BIRC2: variants seen among roughly 807,000 people sequenced by gnomAD.
The protein encoded by BIRC2 is baculoviral IAP repeat-containing protein 2.
Under a neutral mutation model 60.9 loss-of-function variants are expected in BIRC2, and 18 were observed. The ratio of observed to expected loss-of-function variants is 0.30; its 90% confidence interval spans 0.20 to 0.44. BIRC2 has a LOEUF of 0.44. Among genes scored for constraint, BIRC2 ranks in the 20% least tolerant of loss-of-function variants. The pLI is 1.00. For synonymous variants in BIRC2, 282 were observed against 247.7 expected, an observed-to-expected ratio of 1.14 and a Z score of -1.30; for missense variants, 701 against 728.5, an observed-to-expected ratio of 0.96 and a Z score of 0.43.
intron 6 of BIRC2, among the ~76,000 whole-genome samples, chr11:102,376,527 A>C (rs1349788772): frequency 1.3e-5 from 2 of 152,334 alleles, no homozygotes; most frequent in East Asian, 3.9e-4. Flanking sequence ...CTTTGTAGAG[A>C]TGTACTTTTT....
chr11:102,360,541 T>TA (rs2135811594), intron 3 of BIRC2, among the ~76,000 whole-genome samples: 1 of 152,180 alleles, frequency 6.6e-6, no homozygotes, highest in East Asian at 1.9e-4. Context: ...TATATTTTTT[T>TA]ATTTCATTAT....
At chr11:102,369,879 T>G (rs1254295201) in intron 6 of BIRC2, among the ~76,000 whole-genome samples, 11 of 147,408 alleles carry the variant, frequency 7.5e-5, no homozygotes, top group Non-Finnish European at 1.4e-4. Context: ...AGATGGTATC[T>G]CATTGTGGTT....
At position 102,350,037 on chromosome 11, in the gene BIRC2, T is replaced by C. The variant is rs753218434; in HGVS notation, c.183T>C (p.Pro61=). The change falls in exon 2 of 9, where the codon CCT becomes CCC. Residue 61 remains proline, a synonymous_variant. Coordinates refer to ENST00000227758, the MANE Select transcript of BIRC2 (RefSeq NM_001166.5). ...ATTCAACTTTCCCCGCCGGGGTGCC[T>C]GTCTCAGAAAGGAGTCTTGCTCGTG... ...STYSTFPAGV[P]VSERSLARAG... is the part of the protein sequence containing the mutation. 1.2e-6 allele frequency: 2 copies of C among 1,614,230 alleles called. No individual in the cohort carries two copies. Among genetic ancestry groups the C allele is most frequent in the Admixed American group, 1.7e-5 (1 of 60,022 alleles).
chr11:102,365,743 AGTGTGT>A lies in BIRC2; in HGVS notation c.1123+2050_1123+2055del, dbSNP rs34130638. Among the ~76,000 whole-genome samples, 277 of 147,666 alleles carry A rather than the reference AGTGTGT, an allele frequency of 1.9e-3. 1 individual carries two copies. The highest frequency in any genetic ancestry group is 6.2e-3 in the African/African-American group (249 of 40,106). On this transcript the variant is annotated intron_variant, in intron 5 of 8. Transcript: ENST00000227758. ...AGGCATGCACCATCACATTCAGCTA[AGTGTGT>A]GTGTGTGTGTGTGTGTGTGTGTTTG...
Position 102,349,815 on chromosome 11 carries a change from T to C in BIRC2, c.-40T>C. ...TCTTAGTTCATGTGAAGAAATTTCA[T>C]GTGAATGTTTTAGCTATCAAACAGT... On this transcript the variant is annotated 5_prime_UTR_variant, in exon 2 of 9. It removes an upstream start codon present in the reference 5' UTR. Coordinates refer to ENST00000227758, the MANE Select transcript of BIRC2 (RefSeq NM_001166.5). 1 of 1,520,018 alleles carries C rather than the reference T, an allele frequency of 6.6e-7. No individual in the cohort carries two copies. The highest frequency in any genetic ancestry group is 2.3e-5 in the East Asian group (1 of 44,138). 94.2% of individuals were successfully genotyped at this position (1,520,018 alleles called of 1,614,324 possible).
At chr11:102,374,823 C>CGTGGGCGTAGGACCCTCCGAGCCAGGT (rs1951687723) in intron 6 of BIRC2, among the ~76,000 whole-genome samples, 2 of 152,188 alleles carry the variant, frequency 1.3e-5, no homozygotes, top group African/African-American at 4.8e-5. Context: ...AGCGAGACTC[C>CGTGGGCGTAGGACCCTCCGAGCCAGGT]GTGGGCGTAG....
intron 6 of BIRC2, among the ~76,000 whole-genome samples, chr11:102,375,812 A>C (rs1951706219): frequency 6.6e-6 from 1 of 151,800 alleles, no homozygotes; most frequent in Admixed American, 6.6e-5. Flanking sequence ...CAGTTCTATC[A>C]GTTACTAGCT....
chr11:102,366,526 C>A (rs1281881542), intron 5 of BIRC2, among the ~76,000 whole-genome samples: 1 of 152,054 alleles, frequency 6.6e-6, no homozygotes, highest in Non-Finnish European at 1.5e-5. Context: ...ACCACCACGC[C>A]CGGCTAATTT....
intron 3 of BIRC2, among the ~76,000 whole-genome samples, chr11:102,354,786 T>C (rs1951402230): frequency 6.6e-6 from 1 of 152,192 alleles, no homozygotes; most frequent in South Asian, 2.1e-4. Flanking sequence ...TAAGGCATCA[T>C]TACAGGTGGG....
At chr11:102,347,615 C>G (rs1951307585) in intron 1 of BIRC2, 1 of 152,190 alleles carries the variant, frequency 6.6e-6, no homozygotes, top group African/African-American at 2.4e-5. Context: ...GACTTGTTTT[C>G]AAGCCTCTGG....
intron 6 of BIRC2, among the ~76,000 whole-genome samples, chr11:102,374,388 A>G (rs1361402887): frequency 6.8e-6 from 1 of 148,062 alleles, no homozygotes; most frequent in South Asian, 2.2e-4. Context: ...CTTCTAACAG[A>G]CAGGACCCTC....
intron 5 of BIRC2, among the ~76,000 whole-genome samples, chr11:102,364,135 AATATTATATATATATATATATATAT>A (rs1187956174): frequency 9.6e-6 from 1 of 104,062 alleles, no homozygotes; most frequent in Non-Finnish European, 1.9e-5. Flanking sequence ...TCAGCTAATA[AATATTATATATATATATATATATAT>A]ATATATATAT....
In BIRC2 at chr11:102,351,083, A is replaced by G. The variant is rs1234765753; in HGVS notation, c.995+140A>G. 1.8e-5 allele frequency: 14 copies of G among 782,480 alleles called. No homozygotes were observed. In the East Asian group the frequency reaches 3.4e-4, roughly 19 times the overall value. 48.5% of individuals were successfully genotyped at this position (782,480 alleles called of 1,614,324 possible). A position where few individuals can be genotyped will look rare whatever the true frequency, so the allele number is the denominator to read the frequency against. The stretch of plus-strand genomic sequence containing the variant: ...GGGAATTATCCTTCTAAAAGATCAC[A>G]TTTTAACTTTAATTATTTTGTTGAA... On this transcript the variant is annotated intron_variant, in intron 3 of 8. Coordinates refer to ENST00000227758, the MANE Select transcript of BIRC2 (RefSeq NM_001166.5).
chr11:102,351,497 C>A (rs1300254215), intron 3 of BIRC2, among the ~76,000 whole-genome samples: 1 of 151,770 alleles, frequency 6.6e-6, no homozygotes, highest in Non-Finnish European at 1.5e-5. Flanking sequence ...TGGCCGTAGT[C>A]CCAGCTTCTC....
Position 102,350,041 on chromosome 11 carries a change from T to G in BIRC2, c.187T>G (p.Ser63Ala). 1 of 1,614,226 alleles carries G rather than the reference T, an allele frequency of 6.2e-7. No homozygotes were observed. The highest frequency in any genetic ancestry group is 1.1e-5 in the South Asian group (1 of 91,080). The change falls in exon 2 of 9, where the codon TCA (serine) becomes GCA (alanine). Residue 63 changes from serine to alanine, a missense_variant. Around this residue, in one of 4 missense-constraint regions of BIRC2, gnomAD observed 375 missense variants for 365.9 expected, o/e 1.02. Transcript: ENST00000227758. The part of the protein sequence containing the change: ...YSTFPAGVPV[S>A]ERSLARAGFY... ...AACTTTCCCCGCCGGGGTGCCTGTC[T>G]CAGAAAGGAGTCTTGCTCGTGCTGG...
At position 102,350,326 on chromosome 11, in the gene BIRC2, C is replaced by T. The variant is rs751116057; in HGVS notation, c.472C>T (p.Pro158Ser). The T allele has an allele frequency of 5.0e-6, 8 of 1,614,240 alleles. No homozygotes were observed. Among genetic ancestry groups the T allele is most frequent in the Middle Eastern group, 1.6e-4 (1 of 6,062 alleles). ...CAGTGGTTCTTACTCCAGCCTTTCT[C>T]CAAACCCTCTTAATTCTAGAGCAGT... ...LFSGSYSSLSPNPLNSRAVED... is the reference protein window; with the variant it reads ...LFSGSYSSLSSNPLNSRAVED... The change falls in exon 2 of 9, where the codon CCA becomes TCA. Residue 158 changes from proline (P) to serine (S), a missense_variant. Physicochemically the swap from Pro to Ser is moderately conservative, Grantham distance 74. Coordinates refer to ENST00000227758, the MANE Select transcript of BIRC2 (RefSeq NM_001166.5).
chr11:102,349,028 C>G lies in BIRC2; in HGVS notation c.-827C>G, dbSNP rs1338501510. 2 of 154,286 alleles carry G rather than the reference C, an allele frequency of 1.3e-5. No homozygotes were observed. Among genetic ancestry groups the G allele is most frequent in the African/African-American group, 2.4e-5 (1 of 41,402 alleles). 9.6% of individuals were successfully genotyped at this position (154,286 alleles called of 1,614,324 possible). ...TATGGAGAAAATACCTTCAGTTGATCAAGAATAATAGTGGTATACAAAGTT... is the reference window on the plus strand; with the variant it reads ...TATGGAGAAAATACCTTCAGTTGATGAAGAATAATAGTGGTATACAAAGTT... On this transcript the variant is annotated 5_prime_UTR_variant, in exon 2 of 9. In the 5' UTR this introduces an upstream ATG that the reference lacks. Coordinates refer to ENST00000227758, the MANE Select transcript of BIRC2 (RefSeq NM_001166.5).
At chr11:102,373,640 T>A (rs978911782) in intron 6 of BIRC2, among the ~76,000 whole-genome samples, 1 of 151,276 alleles carries the variant, frequency 6.6e-6, no homozygotes, top group Non-Finnish European at 1.5e-5. Flanking sequence ...CTGACAATTA[T>A]GTGTCTTGGA....
chr11:102,369,023 G>C (rs1167375576), intron 6 of BIRC2, among the ~76,000 whole-genome samples: 1 of 151,834 alleles, frequency 6.6e-6, no homozygotes, highest in African/African-American at 2.4e-5. Context: ...TCTGGGGCTT[G>C]ATGAGAACCA....
Sources: allele counts gnomAD v4.1 joint callset (sites outside exome capture counted in the v4.1 genomes callset), GRCh38; gene constraint gnomAD v4.1.1; regional missense constraint gnomAD v4.1.1; transcripts MANE v1.5; gene names NCBI Gene and HGNC (gene_info 2026-07-23, HGNC 2026-07-21).